OPHN1: variants seen among roughly 807,000 people sequenced by gnomAD.
The protein encoded by OPHN1 is oligophrenin 1.
A neutral mutation model predicts 60.7 loss-of-function variants in OPHN1; 11 were observed. That is an observed-to-expected ratio of 0.18 (90% CI 0.11 to 0.30). The LOEUF is 0.30. Among genes scored for constraint, OPHN1 ranks in the 10% least tolerant of loss-of-function variants. The pLI, the probability that OPHN1 is intolerant of heterozygous loss-of-function variation, is 1.00. For missense variants in OPHN1, 449 were observed against 611.0 expected (o/e 0.73, Z 2.80); for synonymous variants, 226 against 222.6 (o/e 1.02, Z -0.14).
At chrX:68,380,138 T>G (rs1374139209) in intron 2 of OPHN1, among the ~76,000 whole-genome samples, 1 of 111,555 alleles carries the variant, frequency 9.0e-6, no homozygotes, top group Admixed American at 9.6e-5. Context: ...AGATTCAACT[T>G]CTTCCTGGTT....
chrX:68,090,915 A>G (rs1018064134), intron 19 of OPHN1, among the ~76,000 whole-genome samples: 16 of 111,741 alleles, frequency 1.4e-4, no homozygotes, highest in Admixed American at 9.5e-4. Context: ...CCAGAAAACT[A>G]TACTTAACAC....
At chrX:68,423,018 CT>C (rs1228117590) in intron 2 of OPHN1, among the ~76,000 whole-genome samples, 433 of 25,323 alleles carry the variant, frequency 0.017, 2 homozygotes, top group African/African-American at 0.022. Flanking sequence ...ATGTAGCTTT[CT>C]TTTTTTTTTT....
intron 15 of OPHN1, among the ~76,000 whole-genome samples, chrX:68,158,366 G>C (rs1023921917): frequency 8.9e-6 from 1 of 111,883 alleles, no homozygotes; most frequent in Non-Finnish European, 1.9e-5. Flanking sequence ...AGATGTTGGA[G>C]GAAAATCCTG....
rs757118270 is a variant in OPHN1, at chrX:68,210,290, G to A, written c.703-8C>T. On this transcript the variant is annotated splice_region_variant and splice_polypyrimidine_tract_variant and intron_variant, in intron 8 of 24. Coordinates refer to ENST00000355520, the MANE Select transcript of OPHN1 (RefSeq NM_002547.3). The stretch of plus-strand genomic sequence containing the variant: ...GGAGAAATGATTTCTTGTCTGTCAA[G>A]ACATCATCATGAAAATCATTATTAT... The A allele has an allele frequency of 1.0e-5, 12 of 1,199,908 alleles. No individual in the cohort carries two copies. Among genetic ancestry groups the A allele is most frequent in the Non-Finnish European group, 1.4e-5 (12 of 885,768 alleles).
intron 8 of OPHN1, among the ~76,000 whole-genome samples, chrX:68,211,434 A>G (rs1200511867): frequency 8.9e-6 from 1 of 112,751 alleles, no homozygotes; most frequent in African/African-American, 3.2e-5. Flanking sequence ...GTCTCCTACA[A>G]GAAACTGTAT....
chrX:68,192,595 A>G (rs1191947), intron 15 of OPHN1: 19,093 of 261,144 alleles, frequency 0.073, 617 homozygotes, highest in African/African-American at 0.11. Context: ...ATCAAGTAAG[A>G]CACAAACTCA....
intron 6 of OPHN1, among the ~76,000 whole-genome samples, chrX:68,217,584 G>A (rs1176227030): frequency 9.1e-6 from 1 of 109,418 alleles, no homozygotes; most frequent in Non-Finnish European, 1.9e-5. Flanking sequence ...GGAGATCTGA[G>A]AACGGGCAGA....
chrX:68,216,847 G>C, intron 6 of OPHN1, among the ~76,000 whole-genome samples: 1 of 112,027 alleles, frequency 8.9e-6, no homozygotes, highest in East Asian at 2.8e-4. Flanking sequence ...TTTTTCAAAA[G>C]AAGATGCACA....
At chrX:68,082,566 T>G (rs1295344796) in intron 19 of OPHN1, among the ~76,000 whole-genome samples, 1 of 112,628 alleles carries the variant, frequency 8.9e-6, no homozygotes, top group Non-Finnish European at 1.9e-5. Flanking sequence ...GGCAGTGATA[T>G]TTTGAAAGAG....
chrX:68,370,635 A>AC (rs1250088126), intron 2 of OPHN1, among the ~76,000 whole-genome samples: 1 of 112,208 alleles, frequency 8.9e-6, no homozygotes, highest in African/African-American at 3.2e-5. Context: ...TTATAACTCT[A>AC]CTTTTTTATA....
chrX:68,395,361 T>C (rs925382169), intron 2 of OPHN1, among the ~76,000 whole-genome samples: 1 of 111,049 alleles, frequency 9.0e-6, no homozygotes, highest in Non-Finnish European at 1.9e-5. Flanking sequence ...CTCCAACTCC[T>C]GAGCTCAAGC....
At chrX:68,376,706 AG>A (rs2078558792) in intron 2 of OPHN1, among the ~76,000 whole-genome samples, 1 of 111,263 alleles carries the variant, frequency 9.0e-6, no homozygotes, top group South Asian at 3.8e-4. Flanking sequence ...CATCTAGCTC[AG>A]TACCTCTTAT....
rs919710022 is a variant in OPHN1 at position 68,377,429 on chromosome X, T to TTTA, written c.154+55435_154+55437dup. On this transcript the variant is annotated intron_variant, in intron 2 of 24. Coordinates refer to ENST00000355520, the MANE Select transcript of OPHN1 (RefSeq NM_002547.3). The stretch of plus-strand genomic sequence containing the variant: ...TTTTTTATTTTTTTATTTTTTATTT[T>TTTA]TTATTATTATTATTATTATACCTTA... 4.1e-4 allele frequency among the ~76,000 whole-genome samples: 43 copies of TTTA among 105,840 alleles called. 1 individual carries two copies. The highest frequency in any genetic ancestry group is 6.9e-4 in the Non-Finnish European group (36 of 51,901). 91.9% of individuals were successfully genotyped at this position (105,840 alleles called of 115,157 possible). A position where few individuals can be genotyped will look rare whatever the true frequency, so the allele number is the denominator to read the frequency against.
chrX:68,113,199 C>G lies in OPHN1; in HGVS notation c.1402G>C (p.Glu468Gln), dbSNP rs1295413743. The G allele has an allele frequency of 8.3e-7, 1 of 1,207,222 alleles. No homozygotes were observed. Residue 468 changes from glutamate (E) to glutamine (Q), a missense_variant, in exon 17 of 25, where the codon GAG (glutamate) becomes CAG (glutamine). Around this residue, in one of 4 missense-constraint regions of OPHN1, gnomAD observed 166 missense variants for 278.4 expected, o/e 0.60. Coordinates refer to ENST00000355520, the MANE Select transcript of OPHN1 (RefSeq NM_002547.3). ...EPVMTYRLHK[E>Q]LVSAAKSDNL... is the part of the protein sequence containing the mutation. ...TACTTACTGGCAGCAGAGACCAGCTCTTTGTGAAGTCTATAGGTCATGACA... is the reference window on the plus strand; with the variant it reads ...TACTTACTGGCAGCAGAGACCAGCTGTTTGTGAAGTCTATAGGTCATGACA...
At chrX:68,266,237 A>G (rs1380376451) in intron 5 of OPHN1, among the ~76,000 whole-genome samples, 1 of 111,510 alleles carries the variant, frequency 9.0e-6, no homozygotes, top group African/African-American at 3.3e-5. Flanking sequence ...CAGATTCACC[A>G]AAGTTCACAT....
At chrX:68,157,005 T>C (rs1289124097) in intron 15 of OPHN1, among the ~76,000 whole-genome samples, 4 of 111,886 alleles carry the variant, frequency 3.6e-5, no homozygotes, top group Admixed American at 2.9e-4. Flanking sequence ...TGAATAGGAA[T>C]AAAAGGTAAA....
chrX:68,202,944 T>A (rs1421151044), intron 10 of OPHN1, among the ~76,000 whole-genome samples: 1 of 111,761 alleles, frequency 8.9e-6, no homozygotes, highest in African/African-American at 3.3e-5. Flanking sequence ...GGGTCTTGTC[T>A]CAGTTATGCC....
intron 15 of OPHN1, among the ~76,000 whole-genome samples, chrX:68,131,983 A>G (rs1329182727): frequency 1.8e-5 from 2 of 112,793 alleles, no homozygotes; most frequent in African/African-American, 3.2e-5. Context: ...AGAAAGAAAT[A>G]CAAATTAAAA....
intron 5 of OPHN1, among the ~76,000 whole-genome samples, chrX:68,237,983 T>A (rs1019893956): frequency 8.9e-6 from 1 of 111,981 alleles, no homozygotes; most frequent in African/African-American, 3.2e-5. Flanking sequence ...GATGTTAACT[T>A]CTAGTTTTGG....
Sources: gnomAD v4.1 joint callset for allele counts (sites outside exome capture counted in the v4.1 genomes callset) on GRCh38, gnomAD v4.1.1 for gene constraint, gnomAD v4.1.1 regional missense constraint, MANE v1.5 for transcripts, NCBI Gene and HGNC (gene_info 2026-07-23, HGNC 2026-07-21) for gene names.